Variants in BRAF observed in about 807,000 individuals in gnomAD.
BRAF encodes B-Raf proto-oncogene, serine/threonine kinase, also known as serine/threonine-protein kinase B-raf.
Under a neutral mutation model 104.6 loss-of-function variants are expected in BRAF, and 16 were observed. That is an observed-to-expected ratio of 0.15 (90% CI 0.10 to 0.23). The LOEUF is 0.23. BRAF is among the 10% of genes least tolerant of loss of function. BRAF has a pLI of 1.00. For synonymous variants in BRAF, 310 were observed against 341.6 expected (o/e 0.91, Z 1.02); for missense variants, 541 against 937.3 (o/e 0.58, Z 5.52).
chr7:140,757,142 G>T (rs759525781), intron 14 of BRAF, among the ~76,000 whole-genome samples: 18 of 151,858 alleles, frequency 1.2e-4, no homozygotes, highest in Admixed American at 5.9e-4. Context: ...CCTGCTGCTG[G>T]GTCAAAATTT....
At chr7:140,753,444 G>A (rs2128998642) in intron 15 of BRAF, 51 bp from the exon 15 acceptor site, 1 of 1,210,596 alleles carries the variant, frequency 8.3e-7, no homozygotes, top group South Asian at 1.2e-5. Context: ...TCCTATCAGA[G>A]CAAGCATTAT....
intron 1 of BRAF, among the ~76,000 whole-genome samples, chr7:140,863,312 T>C (rs1407620494): frequency 1.3e-5 from 2 of 152,182 alleles, no homozygotes; most frequent in Non-Finnish European, 2.9e-5. Flanking sequence ...AAAGCCATGT[T>C]TCCAACTAGA....
Position 140,807,851 on chromosome 7 carries a change from A to G in BRAF, c.711+109T>C, listed in dbSNP as rs934438204. 2.0e-5 allele frequency: 16 copies of G among 793,872 alleles called. No homozygotes were observed. The African/African-American group carries it at 2.4e-4, about 12-fold the overall frequency. The allele number at this position is 793,872 out of a possible 1,614,324, so 49.2% of individuals were successfully genotyped here. ...AACAACTGATTTCAACTCAGGTAAAATGTCAGTTCCAAAATTACTCATCCA... is the reference window on the plus strand; with the variant it reads ...AACAACTGATTTCAACTCAGGTAAAGTGTCAGTTCCAAAATTACTCATCCA... On this transcript the variant is annotated intron_variant, in intron 5 of 19. Transcript: ENST00000644969.
intron 2 of BRAF, among the ~76,000 whole-genome samples, chr7:140,841,732 G>A (rs550869074): frequency 6.6e-6 from 1 of 152,196 alleles, no homozygotes; most frequent in African/African-American, 2.4e-5. Flanking sequence ...GGGGCTGCAG[G>A]GAATGACTAC....
At chr7:140,748,700 T>C (rs766005394) in intron 17 of BRAF, among the ~76,000 whole-genome samples, 3 of 152,098 alleles carry the variant, frequency 2.0e-5, no homozygotes, top group African/African-American at 4.8e-5. Flanking sequence ...GAGGCAGAGA[T>C]AGAAAAGGCT....
intron 14 of BRAF, among the ~76,000 whole-genome samples, chr7:140,761,295 A>G (rs1279614928): frequency 1.3e-5 from 2 of 152,182 alleles, no homozygotes; most frequent in African/African-American, 4.8e-5. Flanking sequence ...ACTAAGCTTC[A>G]TAAGTGAAGG....
chr7:140,836,972 AATGTT>A (rs1807408828), intron 2 of BRAF, among the ~76,000 whole-genome samples: 1 of 152,178 alleles, frequency 6.6e-6, no homozygotes, highest in African/African-American at 2.4e-5. Context: ...TCCTTACCAA[AATGTT>A]AGCTTTAATT....
intron 1 of BRAF, among the ~76,000 whole-genome samples, chr7:140,854,004 T>C (rs1055446722): frequency 2.6e-5 from 4 of 152,082 alleles, no homozygotes; most frequent in African/African-American, 7.2e-5. Context: ...TAAAACAGGG[T>C]CTCCGTCTCC....
chr7:140,918,270 C>T (rs1195026348), intron 1 of BRAF, among the ~76,000 whole-genome samples: 1 of 152,176 alleles, frequency 6.6e-6, no homozygotes, highest in Non-Finnish European at 1.5e-5. Context: ...GACAATTTTT[C>T]CATGGACAGG....
At chr7:140,796,342 C>T (rs1802491947) in intron 7 of BRAF, among the ~76,000 whole-genome samples, 1 of 142,896 alleles carries the variant, frequency 7.0e-6, no homozygotes, top group Non-Finnish European at 1.5e-5. Flanking sequence ...AAGTGAGACT[C>T]CATCTTAAAA....
chr7:140,834,057 C>T (rs1351714127), intron 3 of BRAF: 12 of 158,938 alleles, frequency 7.6e-5, no homozygotes, highest in Admixed American at 6.5e-4. Context: ...ATTAAGTCTA[C>T]TAACAATATT....
intron 8 of BRAF, among the ~76,000 whole-genome samples, chr7:140,792,878 G>A (rs1411807097): frequency 1.3e-5 from 2 of 152,200 alleles, no homozygotes; most frequent in Admixed American, 6.5e-5. Flanking sequence ...GTAATCAACA[G>A]TAAGTCACTA....
At chr7:140,795,950 T>C (rs1028025488) in intron 7 of BRAF, among the ~76,000 whole-genome samples, 1 of 152,174 alleles carries the variant, frequency 6.6e-6, no homozygotes, top group South Asian at 2.1e-4. Context: ...TATATGTCTA[T>C]AGCTAGAAAA....
chr7:140,916,816 T>C (rs1817681883), intron 1 of BRAF, among the ~76,000 whole-genome samples: 1 of 152,212 alleles, frequency 6.6e-6, no homozygotes, highest in Non-Finnish European at 1.5e-5. Context: ...AGTCTTCTCC[T>C]TCCAAAAGTA....
chr7:140,714,374 A>G (rs955120247), downstream of BRAF, among the ~76,000 whole-genome samples: 1 of 152,124 alleles, frequency 6.6e-6, no homozygotes, highest in African/African-American at 2.4e-5. Flanking sequence ...GTATCTATGT[A>G]TCTATTTTGT....
intron 1 of BRAF, among the ~76,000 whole-genome samples, chr7:140,908,385 T>C (rs1026243687): frequency 6.6e-6 from 1 of 152,192 alleles, no homozygotes; most frequent in Non-Finnish European, 1.5e-5. Context: ...TGTGACAATG[T>C]ACTGTTCATT....
At chr7:140,774,344 T>G (rs894326585) in intron 14 of BRAF, among the ~76,000 whole-genome samples, 5 of 152,240 alleles carry the variant, frequency 3.3e-5, no homozygotes, top group African/African-American at 1.2e-4. Flanking sequence ...AAGTTTACAC[T>G]GATAATCCCA....
At chr7:140,869,293 A>G (rs1811306191) in intron 1 of BRAF, among the ~76,000 whole-genome samples, 1 of 152,134 alleles carries the variant, frequency 6.6e-6, no homozygotes, top group South Asian at 2.1e-4. Flanking sequence ...CCTTCTTAAC[A>G]TCTTTGAATT....
intron 1 of BRAF, among the ~76,000 whole-genome samples, chr7:140,874,773 G>A (rs1812025843): frequency 6.6e-6 from 1 of 152,128 alleles, no homozygotes; most frequent in South Asian, 2.1e-4. Flanking sequence ...CAAATCTCAT[G>A]TTCAAATGTA....
Sources: allele counts gnomAD v4.1 joint callset (sites outside exome capture counted in the v4.1 genomes callset), GRCh38; gene constraint gnomAD v4.1.1; transcripts MANE v1.5; gene names NCBI Gene and HGNC (gene_info 2026-07-23, HGNC 2026-07-21).